DENND1B: variants seen among roughly 807,000 people sequenced by gnomAD.
The protein encoded by DENND1B is DENN domain containing 1B, also known as DENN domain-containing protein 1B.
Under a neutral mutation model 90.1 loss-of-function variants are expected in DENND1B, and 59 were observed. The ratio of observed to expected loss-of-function variants is 0.65; its 90% confidence interval spans 0.53 to 0.81. The LOEUF (loss-of-function observed/expected upper bound fraction) is 0.81. DENND1B is among the 40% of genes least tolerant of loss of function. DENND1B has a pLI of 0.00. For synonymous variants in DENND1B, 337 were observed against 324.6 expected (o/e 1.04, Z -0.41); for missense variants, 862 against 912.6 (o/e 0.94, Z 0.71).
At position 197,625,327 on chromosome 1, in the gene DENND1B, G is replaced by C. The variant is rs954514369; in HGVS notation, c.673-7568C>G. ...TAACAGCAGATCTCTCAGCAGAAAC[G>C]CTACAAGCCAGAAGAGAGTGGGGGC... On this transcript the variant is annotated intron_variant, in intron 10 of 22. Transcript: ENST00000620048. 7.3e-4 allele frequency among the ~76,000 whole-genome samples: 102 copies of C among 138,784 alleles called. No homozygotes were observed. In the East Asian group the frequency reaches 0.021, roughly 28 times the overall value. The allele number at this position is 138,784 out of a possible 152,430, so 91.0% of individuals were successfully genotyped here.
intron 16 of DENND1B, among the ~76,000 whole-genome samples, chr1:197,551,767 G>A (rs1396695119): frequency 6.6e-6 from 1 of 152,062 alleles, no homozygotes; most frequent in Non-Finnish European, 1.5e-5. Context: ...ACTTGTCCAT[G>A]GGCTGACAAA....
At chr1:197,619,956 A>G (rs1230506587) in intron 10 of DENND1B, among the ~76,000 whole-genome samples, 7 of 151,200 alleles carry the variant, frequency 4.6e-5, no homozygotes, top group African/African-American at 1.2e-4. Flanking sequence ...TGACAAGGAG[A>G]GGAAAAAATA....
chr1:197,592,197 A>G (rs1201038861), intron 14 of DENND1B, among the ~76,000 whole-genome samples: 1 of 151,812 alleles, frequency 6.6e-6, no homozygotes, highest in East Asian at 1.9e-4. Flanking sequence ...GGGACCGTGA[A>G]AAAAACAGAT....
intron 2 of DENND1B, among the ~76,000 whole-genome samples, chr1:197,745,619 TA>T (rs398050227): frequency 0.39 from 41,655 of 105,760 alleles, 6,367 homozygotes; most frequent in Middle Eastern, 0.47. Flanking sequence ...ATATATATTA[TA>T]TATATATATA....
chr1:197,523,469 G>C (rs1412483453), intron 20 of DENND1B, among the ~76,000 whole-genome samples: 3 of 152,144 alleles, frequency 2.0e-5, no homozygotes, highest in African/African-American at 7.2e-5. Flanking sequence ...CTTAAGACAA[G>C]CATAGAGAAC....
intron 5 of DENND1B, among the ~76,000 whole-genome samples, chr1:197,666,595 A>G (rs796244922): frequency 6.6e-6 from 1 of 152,326 alleles, no homozygotes; most frequent in East Asian, 1.9e-4. Flanking sequence ...TATTAAGCAC[A>G]TGAATTCTAA....
At chr1:197,540,823 A>T (rs946393365) in intron 19 of DENND1B, 136 bp downstream of exon 19, 2 of 744,280 alleles carry the variant, frequency 2.7e-6, no homozygotes, top group Non-Finnish European at 4.3e-6. Flanking sequence ...AGGGCTTGTT[A>T]TAAAAAATAC....
intron 15 of DENND1B, among the ~76,000 whole-genome samples, chr1:197,577,114 G>C (rs902299071): frequency 7.9e-5 from 12 of 152,032 alleles, no homozygotes; most frequent in African/African-American, 2.4e-4. Context: ...TTAGTGAGGG[G>C]GAGGGACACT....
chr1:197,718,461 T>G (rs1660849843), intron 2 of DENND1B, among the ~76,000 whole-genome samples: 1 of 151,936 alleles, frequency 6.6e-6, no homozygotes, highest in Admixed American at 6.6e-5. Flanking sequence ...TGTGTAATTT[T>G]TTGGTAATGT....
intron 3 of DENND1B, among the ~76,000 whole-genome samples, chr1:197,713,817 A>G (rs1338447217): frequency 0.014 from 911 of 66,650 alleles, 41 homozygotes; most frequent in African/African-American, 0.055. Flanking sequence ...TATATTATAT[A>G]TAATATATTA....
At position 197,676,187 on chromosome 1, in the gene DENND1B, G is replaced by C. The variant is rs551261105; in HGVS notation, c.127-2018C>G. Reference sequence around the variant, plus strand: ...TAAACTGGGTTTACACAGATCAATAGCTGGAAGTCCTACCTAGCTCCCAGG... The same window carrying C: ...TAAACTGGGTTTACACAGATCAATACCTGGAAGTCCTACCTAGCTCCCAGG... On this transcript the variant is annotated intron_variant, in intron 3 of 22. Transcript: ENST00000620048. 2.0e-5 allele frequency among the ~76,000 whole-genome samples: 3 copies of C among 151,722 alleles called. No individual in the cohort carries two copies. The South Asian group carries it at 6.2e-4, about 32-fold the overall frequency.
chr1:197,583,669 T>C (rs1297487040), intron 14 of DENND1B, among the ~76,000 whole-genome samples: 2 of 152,218 alleles, frequency 1.3e-5, no homozygotes, highest in African/African-American at 2.4e-5. Flanking sequence ...TTATGATCAT[T>C]AATTTGTTTT....
At chr1:197,572,017 T>G (rs571318679) in intron 15 of DENND1B, among the ~76,000 whole-genome samples, 6 of 152,138 alleles carry the variant, frequency 3.9e-5, no homozygotes. Flanking sequence ...AGACAGGTGA[T>G]TTCTGCATTT....
At chr1:197,543,101 A>C (rs1670464212) in intron 18 of DENND1B, among the ~76,000 whole-genome samples, 1 of 151,806 alleles carries the variant, frequency 6.6e-6, no homozygotes, top group African/African-American at 2.4e-5. Context: ...CACCTGGATA[A>C]TTTTTGTATT....
chr1:197,582,076 A>G (rs1674294009), intron 15 of DENND1B, among the ~76,000 whole-genome samples: 1 of 152,158 alleles, frequency 6.6e-6, no homozygotes. Flanking sequence ...TTCACAGGAC[A>G]TCTCTGATCC....
intron 20 of DENND1B, among the ~76,000 whole-genome samples, chr1:197,528,168 C>G (rs1398253630): frequency 6.6e-6 from 1 of 152,066 alleles, no homozygotes. Context: ...ATAAGTTTCA[C>G]AGAAAATTAC....
chr1:197,515,721 C>T (rs1304212266), intron 20 of DENND1B, among the ~76,000 whole-genome samples: 19 of 151,726 alleles, frequency 1.3e-4, no homozygotes, highest in East Asian at 1.9e-4. Context: ...ACAGATACTA[C>T]GAAGTTAAAT....
At chr1:197,737,639 T>G (rs558118967) in intron 2 of DENND1B, among the ~76,000 whole-genome samples, 9 of 152,330 alleles carry the variant, frequency 5.9e-5, no homozygotes, top group African/African-American at 2.2e-4. Context: ...CAACAATGAT[T>G]CTTATTCATT....
In DENND1B at chr1:197,534,115, CG is replaced by C. The variant is rs1669708447; in HGVS notation, c.1515+5848del. ...ACAAACAACCCCATCAAAAAGTGGG[CG>C]AAGGACATGAACAGACACTTCTCAA... On this transcript the variant is annotated intron_variant, in intron 20 of 22. Coordinates refer to ENST00000620048, the MANE Select transcript of DENND1B (RefSeq NM_001195215.2). 1.9e-3 allele frequency among the ~76,000 whole-genome samples: 2 copies of C among 1,068 alleles called. 1 individual carries two copies. The highest frequency in any genetic ancestry group is 1.9e-3 in the African/African-American group (2 of 1,048). 0.7% of individuals were successfully genotyped at this position (1,068 alleles called of 152,430 possible). A position where few individuals can be genotyped will look rare whatever the true frequency, so the allele number is the denominator to read the frequency against.
Sources: gnomAD v4.1 joint callset for allele counts (sites outside exome capture counted in the v4.1 genomes callset) on GRCh38, gnomAD v4.1.1 for gene constraint, MANE v1.5 for transcripts, NCBI Gene and HGNC (gene_info 2026-07-23, HGNC 2026-07-21) for gene names.